AUTS2: variants seen among roughly 807,000 people sequenced by gnomAD.
AUTS2 encodes activator of transcription and developmental regulator AUTS2.
Under a neutral mutation model 112.4 loss-of-function variants are expected in AUTS2, and 17 were observed. That is an observed-to-expected ratio of 0.15 (90% CI 0.10 to 0.23). AUTS2 has a LOEUF of 0.23. Among genes scored for constraint, AUTS2 ranks in the 10% least tolerant of loss-of-function variants. The pLI, the probability that AUTS2 is intolerant of heterozygous loss-of-function variation, is 1.00. For missense variants in AUTS2, 1,510 were observed against 1,701.6 expected (o/e 0.89, Z 1.98); for synonymous variants, 751 against 702.7 (o/e 1.07, Z -1.09).
intron 18 of AUTS2, 114 bp from the exon 19 acceptor site, chr7:70,789,634 G>T (rs2129561453): frequency 3.1e-6 from 4 of 1,290,448 alleles, no homozygotes; most frequent in Non-Finnish European, 4.3e-6. Flanking sequence ...GGCGACCATG[G>T]GAAGCAGCCC....
At chr7:70,048,140 G>C (rs1563064163) in intron 2 of AUTS2, among the ~76,000 whole-genome samples, 1 of 152,108 alleles carries the variant, frequency 6.6e-6, no homozygotes, top group South Asian at 2.1e-4. Context: ...GCCTTACAAG[G>C]CCCTTTAGGG....
At chr7:70,107,977 C>T (rs572541466) in intron 2 of AUTS2, among the ~76,000 whole-genome samples, 122 of 151,146 alleles carry the variant, frequency 8.1e-4, no homozygotes, top group Non-Finnish European at 7.8e-4. Context: ...TGCCACTGCA[C>T]TCCAGCCTGG....
intron 4 of AUTS2, among the ~76,000 whole-genome samples, chr7:70,330,834 G>T (rs1454450279): frequency 6.6e-6 from 1 of 152,046 alleles, no homozygotes; most frequent in East Asian, 1.9e-4. Flanking sequence ...CAGCATATAA[G>T]TCTTTCACCT....
At chr7:70,192,589 A>ACAGT (rs1017567341) in intron 4 of AUTS2, among the ~76,000 whole-genome samples, 17 of 152,306 alleles carry the variant, frequency 1.1e-4, no homozygotes, top group African/African-American at 4.1e-4. Context: ...GAACTGCCAC[A>ACAGT]CAGTCCATCA....
chr7:69,757,702 G>A lies in AUTS2; in HGVS notation c.310-141584G>A, dbSNP rs567114358. ...CTGTTTGCCTGCAGTTATTTAGAAA[G>A]CAGTTTAATTAATGTTCTTTTACCG... On this transcript the variant is annotated intron_variant, in intron 1 of 18. Coordinates refer to ENST00000342771, the MANE Select transcript of AUTS2 (RefSeq NM_015570.4). Among the ~76,000 whole-genome samples, 28 of 152,230 alleles carry A rather than the reference G, an allele frequency of 1.8e-4. No individual in the cohort carries two copies. In the South Asian group the frequency reaches 5.6e-3, roughly 30 times the overall value.
intron 6 of AUTS2, among the ~76,000 whole-genome samples, chr7:70,726,175 A>T (rs1394845402): frequency 6.6e-6 from 1 of 152,126 alleles, no homozygotes; most frequent in African/African-American, 2.4e-5. Flanking sequence ...TAGAAAGATG[A>T]TAGAAGATAT....
In AUTS2 at chr7:70,791,211, C is replaced by T. The variant is rs995726280; in HGVS notation, c.*215C>T. On this transcript the variant is annotated 3_prime_UTR_variant, in exon 19 of 19. Transcript: ENST00000342771. ...ATCTTTTAGCCCAGTCATATGTTCT[C>T]ACGTCTCCTACTTTTTGTTTCTCGT... is the stretch of plus-strand genomic sequence containing the variant. 2.3e-6 allele frequency: 1 copy of T among 441,504 alleles called. No homozygotes were observed. Among genetic ancestry groups the T allele is most frequent in the Non-Finnish European group, 3.7e-6 (1 of 268,828 alleles). 27.3% of individuals were successfully genotyped at this position (441,504 alleles called of 1,614,324 possible).
intron 2 of AUTS2, among the ~76,000 whole-genome samples, chr7:69,933,512 A>C (rs895173994): frequency 1.3e-5 from 2 of 152,194 alleles, no homozygotes; most frequent in Admixed American, 6.5e-5. Flanking sequence ...AGTGTTTATG[A>C]ATCCAAATAA....
At chr7:70,781,397 C>T in intron 14 of AUTS2, 1 of 369,930 alleles carries the variant, frequency 2.7e-6, no homozygotes, top group South Asian at 4.4e-5. Flanking sequence ...AGACCAAACA[C>T]TAGTGTTGTC....
At chr7:70,303,434 G>GCACACACA (rs1427875852) in intron 4 of AUTS2, among the ~76,000 whole-genome samples, 1,922 of 142,000 alleles carry the variant, frequency 0.014, 33 homozygotes, top group African/African-American at 0.03. Context: ...GCGCGCGCGC[G>GCACACACA]CACATACACA....
chr7:70,062,208 A>G (rs982421331), intron 2 of AUTS2, among the ~76,000 whole-genome samples: 1 of 152,010 alleles, frequency 6.6e-6, no homozygotes, highest in Non-Finnish European at 1.5e-5. Flanking sequence ...TGTACCTTCT[A>G]TAGAAATAAG....
intron 4 of AUTS2, among the ~76,000 whole-genome samples, chr7:70,178,467 C>T (rs1009732766): frequency 6.6e-6 from 1 of 152,058 alleles, no homozygotes; most frequent in African/African-American, 2.4e-5. Flanking sequence ...CCAGTTTTCA[C>T]ATCCTTATAT....
chr7:69,736,840 C>T (rs1787050762), intron 1 of AUTS2, among the ~76,000 whole-genome samples: 2 of 152,130 alleles, frequency 1.3e-5, no homozygotes, highest in African/African-American at 4.8e-5. Flanking sequence ...GGACGAGAGA[C>T]TTCTCAGAAA....
intron 4 of AUTS2, among the ~76,000 whole-genome samples, chr7:70,155,272 C>A (rs932171037): frequency 6.6e-6 from 1 of 152,134 alleles, no homozygotes; most frequent in Admixed American, 6.6e-5. Context: ...CCTAGAATCT[C>A]AGTCAGGATT....
intron 4 of AUTS2, among the ~76,000 whole-genome samples, chr7:70,304,811 C>T (rs558906009): frequency 1.7e-4 from 22 of 129,582 alleles, no homozygotes; most frequent in South Asian, 9.8e-4. Flanking sequence ...TGGAGCATTT[C>T]GGATTTGGGA....
intron 5 of AUTS2, among the ~76,000 whole-genome samples, chr7:70,668,189 G>A (rs1467872772): frequency 6.6e-6 from 1 of 152,214 alleles, no homozygotes; most frequent in African/African-American, 2.4e-5. Context: ...ATGTTGGCTA[G>A]GCTGGTCTTG....
At chr7:70,195,643 T>G (rs2129584314) in intron 4 of AUTS2, among the ~76,000 whole-genome samples, 1 of 152,324 alleles carries the variant, frequency 6.6e-6, no homozygotes, top group Admixed American at 6.5e-5. Context: ...ACAGTGAAAT[T>G]CTGTCTCAAA....
chr7:70,061,210 C>T (rs2129560742), intron 2 of AUTS2, among the ~76,000 whole-genome samples: 1 of 152,180 alleles, frequency 6.6e-6, no homozygotes, highest in South Asian at 2.1e-4. Flanking sequence ...GAAATGGAGA[C>T]AGTACTTTCT....
rs141707447 is a variant in AUTS2, at chr7:70,754,167, GAATAAAATAA to G, written c.743-8682_743-8673del. On this transcript the variant is annotated intron_variant, in intron 6 of 18. Coordinates refer to ENST00000342771, the MANE Select transcript of AUTS2 (RefSeq NM_015570.4). The stretch of plus-strand genomic sequence containing the variant: ...CAGAGCGAGACTCTGTCTCAAAATA[GAATAAAATAA>G]AATAAAATAAAATAAAATAATAATG... 6.7e-3 allele frequency among the ~76,000 whole-genome samples: 1,007 copies of G among 150,778 alleles called. 15 individuals are homozygous for G. The highest frequency in any genetic ancestry group is 0.023 in the African/African-American group (949 of 41,108).
Sources: allele counts gnomAD v4.1 joint callset (sites outside exome capture counted in the v4.1 genomes callset), GRCh38; gene constraint gnomAD v4.1.1; transcripts MANE v1.5; gene names NCBI Gene and HGNC (gene_info 2026-07-23, HGNC 2026-07-21).